KYAT1: variants seen among roughly 807,000 people sequenced by gnomAD.
KYAT1 encodes kynurenine--oxoglutarate transaminase 1.
A neutral mutation model predicts 52.4 loss-of-function variants in KYAT1; 47 were observed. The observed-to-expected ratio is 0.90, with a 90% CI of 0.71 to 1.14. The LOEUF is 1.14. KYAT1 is among the 50% of genes most tolerant of loss of function. KYAT1 has a pLI of 0.00. For missense variants in KYAT1, 480 were observed against 557.9 expected, an observed-to-expected ratio of 0.86 and a Z score of 1.41; for synonymous variants, 212 against 209.6, an observed-to-expected ratio of 1.01 and a Z score of -0.10.
At chr9:128,860,945 C>G (rs1488956054) in intron 1 of KYAT1, among the ~76,000 whole-genome samples, 1 of 152,134 alleles carries the variant, frequency 6.6e-6, no homozygotes, top group Non-Finnish European at 1.5e-5. Context: ...TATCAAAGAT[C>G]ACTGATCACA....
chr9:128,874,751 G>A (rs1837727762), intron 1 of KYAT1, among the ~76,000 whole-genome samples: 1 of 131,972 alleles, frequency 7.6e-6, no homozygotes, highest in African/African-American at 2.8e-5. Flanking sequence ...TTGAGACGGA[G>A]TCTCGCTCTG....
At chr9:128,842,132 G>A in intron 3 of KYAT1, 1 of 358,314 alleles carries the variant, frequency 2.8e-6, no homozygotes. Flanking sequence ...GGTCAAGGCT[G>A]CAGTGGACCA....
Position 128,838,368 on chromosome 9 carries a change from C to T in KYAT1, c.202-1G>A, listed in dbSNP as rs1278205538. ...GGATCTTCGTCAGTGGTGGGTAACCCTGCCAGGACAGCAGGGGTTAACTGT... is the reference window on the plus strand; with the variant it reads ...GGATCTTCGTCAGTGGTGGGTAACCTTGCCAGGACAGCAGGGGTTAACTGT... On this transcript the variant is annotated splice_acceptor_variant, in intron 3 of 12. Transcript: ENST00000302586. LOFTEE classifies it high-confidence loss of function. 1.8e-5 allele frequency: 29 copies of T among 1,614,016 alleles called. No homozygotes were observed. Among genetic ancestry groups the T allele is most frequent in the Non-Finnish European group, 2.3e-5 (27 of 1,180,036 alleles).
chr9:128,839,020 G>C (rs1223085597), intron 3 of KYAT1, among the ~76,000 whole-genome samples: 2 of 151,838 alleles, frequency 1.3e-5, no homozygotes, highest in African/African-American at 2.4e-5. Context: ...CTGGAGTGCA[G>C]TGGCACAATC....
chr9:128,847,533 C>A, intron 1 of KYAT1: 4 of 1,534,152 alleles, frequency 2.6e-6, no homozygotes, highest in Non-Finnish European at 3.5e-6. Flanking sequence ...GAACATGCCT[C>A]CCAGAGCCTT....
chr9:128,838,936 TTTTA>T (rs71497421), intron 3 of KYAT1, among the ~76,000 whole-genome samples: 10,025 of 143,476 alleles, frequency 0.07, 387 homozygotes, highest in Middle Eastern at 0.12. Context: ...CGGGAGAGGC[TTTTA>T]TTTATTTATT....
At chr9:128,878,026 C>T (rs1838279125) in intron 1 of KYAT1, among the ~76,000 whole-genome samples, 1 of 152,216 alleles carries the variant, frequency 6.6e-6, no homozygotes, top group African/African-American at 2.4e-5. Context: ...TGCCAGGCCG[C>T]AGCCTCTTGG....
intron 1 of KYAT1, among the ~76,000 whole-genome samples, chr9:128,881,213 T>G (rs1434230762): frequency 6.6e-6 from 1 of 152,156 alleles, no homozygotes; most frequent in Admixed American, 6.5e-5. Flanking sequence ...CCAGAGTAGC[T>G]GGGACTACAG....
rs559097961 is a variant in KYAT1, at chr9:128,874,124, C to T, written c.-7+7773G>A. 1.5e-4 allele frequency among the ~76,000 whole-genome samples: 23 copies of T among 149,710 alleles called. No individual in the cohort carries two copies. The South Asian group carries it at 2.8e-3, about 18-fold the overall frequency. On this transcript the variant is annotated intron_variant, in intron 1 of 12. Coordinates refer to ENST00000302586, the MANE Select transcript of KYAT1 (RefSeq NM_004059.5). ...CACAAAAATTAGCCAGGCGTGGTGG[C>T]GGGCGCCTGTGATCCCAGCTACTCA...
intron 11 of KYAT1, 86 bp downstream of exon 11, chr9:128,835,237 A>G: frequency 1.9e-6 from 2 of 1,064,686 alleles, no homozygotes; most frequent in Non-Finnish European, 2.9e-6. Flanking sequence ...ACTAAGATCT[A>G]GCCCAGGAGC....
intron 1 of KYAT1, among the ~76,000 whole-genome samples, chr9:128,856,050 T>C (rs913307165): frequency 6.6e-6 from 1 of 152,210 alleles, no homozygotes; most frequent in African/African-American, 2.4e-5. Flanking sequence ...TCAGTTACAG[T>C]GTGACTGGAA....
At chr9:128,868,460 C>T (rs1420458652) in intron 1 of KYAT1, among the ~76,000 whole-genome samples, 12 of 152,084 alleles carry the variant, frequency 7.9e-5, no homozygotes, top group Admixed American at 5.2e-4. Context: ...TGTGCAATCA[C>T]GGTTCACTGT....
rs747476882 is a variant in KYAT1, at chr9:128,835,979, C to T, written c.765+18G>A. The T allele has an allele frequency of 1.2e-6, 2 of 1,609,382 alleles. No homozygotes were observed. The highest frequency in any genetic ancestry group is 1.7e-5 in the Admixed American group (1 of 59,990). ...GGATCTTGCAGGGGGTGGTGACCTC[C>T]CACCCTCAGCAACTCACCTTCCAGC... On this transcript the variant is annotated intron_variant, in intron 8 of 12. Coordinates refer to ENST00000302586, the MANE Select transcript of KYAT1 (RefSeq NM_004059.5).
chr9:128,837,211 T>C (rs1217407441), intron 6 of KYAT1, among the ~76,000 whole-genome samples: 4 of 152,180 alleles, frequency 2.6e-5, no homozygotes, highest in African/African-American at 7.2e-5. Context: ...GGAGAATTGC[T>C]TGAACCCAGG....
intron 2 of KYAT1, among the ~76,000 whole-genome samples, chr9:128,844,600 G>A (rs2119146778): frequency 6.6e-6 from 1 of 152,152 alleles, no homozygotes; most frequent in East Asian, 1.9e-4. Flanking sequence ...TGAGGCAGGA[G>A]AATTGCTTGA....
In KYAT1 at chr9:128,836,099, G is replaced by A. The variant is rs368544849; in HGVS notation, c.689-26C>T. Reference sequence around the variant, plus strand: ...CTGCCCAAGGCCGAACAGAACAGCTGCTGAGACTGGGGTGAGGGGGACGGG... The same window carrying A: ...CTGCCCAAGGCCGAACAGAACAGCTACTGAGACTGGGGTGAGGGGGACGGG... On this transcript the variant is annotated intron_variant, in intron 7 of 12. Coordinates refer to ENST00000302586, the MANE Select transcript of KYAT1 (RefSeq NM_004059.5). The A allele has an allele frequency of 1.6e-5, 25 of 1,610,136 alleles. No homozygotes were observed. In the East Asian group the frequency reaches 2.0e-4, roughly 13 times the overall value.
intron 1 of KYAT1, among the ~76,000 whole-genome samples, chr9:128,849,620 CAAGATG>C (rs780892282): frequency 0.98 from 148,476 of 150,982 alleles, 73,046 homozygotes; most frequent in Middle Eastern, 1. Flanking sequence ...ATGGTGAAAC[CAAGATG>C]GTGTACTAAA....
At chr9:128,837,567 G>T (rs1831340608) in intron 6 of KYAT1, 118 bp downstream of exon 6, 1 of 1,198,696 alleles carries the variant, frequency 8.3e-7, no homozygotes, top group Non-Finnish European at 1.2e-6. Context: ...AGTGCTCATT[G>T]TGTGTGGCCC....
At chr9:128,864,227 A>C (rs533937872) in intron 1 of KYAT1, among the ~76,000 whole-genome samples, 18 of 151,880 alleles carry the variant, frequency 1.2e-4, no homozygotes, top group Non-Finnish European at 2.5e-4. Context: ...TTAGCCAGGC[A>C]TGGTGGCGGG....
Sources: gnomAD v4.1 joint callset for allele counts (sites outside exome capture counted in the v4.1 genomes callset) on GRCh38, gnomAD v4.1.1 for gene constraint, MANE v1.5 for transcripts, NCBI Gene and HGNC (gene_info 2026-07-23, HGNC 2026-07-21) for gene names.